Variants in SDK1 observed in about 807,000 individuals in gnomAD.
The protein encoded by SDK1 is sidekick cell adhesion molecule 1.
SDK1 carries 157 observed loss-of-function variants against 245.5 expected under a neutral mutation model. The observed-to-expected ratio is 0.64, with a 90% confidence interval of 0.56 to 0.73. SDK1 has a LOEUF of 0.73. Among genes scored for constraint, SDK1 ranks in the 30% least tolerant of loss-of-function variants. The pLI is 0.00. For missense variants in SDK1, 3,583 were observed against 3,002.3 expected (o/e 1.19, Z -4.52); for synonymous variants, 1,647 against 1,278.5 (o/e 1.29, Z -6.15).
At chr7:3,316,667 G>T (rs1316577589) in intron 1 of SDK1, among the ~76,000 whole-genome samples, 1 of 152,178 alleles carries the variant, frequency 6.6e-6, no homozygotes, top group East Asian at 1.9e-4. Context: ...GTACACAGCA[G>T]GGGCCTCACT....
intron 13 of SDK1, among the ~76,000 whole-genome samples, chr7:3,979,623 GC>G (rs1321126279): frequency 6.6e-6 from 1 of 152,114 alleles, no homozygotes; most frequent in East Asian, 1.9e-4. Flanking sequence ...GAGAGAAGAG[GC>G]TTCTAAACTC....
At chr7:4,056,741 C>T (rs756328402) in intron 19 of SDK1, among the ~76,000 whole-genome samples, 21 of 152,148 alleles carry the variant, frequency 1.4e-4, no homozygotes, top group African/African-American at 4.1e-4. Flanking sequence ...CCCACACGCC[C>T]GAGCCCAGAG....
At chr7:3,605,302 T>C (rs544657813) in intron 1 of SDK1, among the ~76,000 whole-genome samples, 2 of 152,368 alleles carry the variant, frequency 1.3e-5, no homozygotes, top group Admixed American at 1.3e-4. Flanking sequence ...TAATTCTATC[T>C]GTAAGGAGAA....
chr7:3,999,754 A>C (rs17134136), intron 14 of SDK1, among the ~76,000 whole-genome samples: 19,487 of 152,260 alleles, frequency 0.13, 1,637 homozygotes, highest in African/African-American at 0.24. Context: ...ATGTATTTTT[A>C]AGTACAAAGT....
At position 3,548,403 on chromosome 7, in the gene SDK1, C is replaced by T. The variant is rs9632601; in HGVS notation, c.299-70677C>T. ...TCTTAAACCTGGGTCTGTCTTACTC[C>T]AAAACTACTGAGCTACATTTTAAAT... On this transcript the variant is annotated intron_variant, in intron 1 of 44. Transcript: ENST00000404826. Among the ~76,000 whole-genome samples the T allele has an allele frequency of 3.3e-3, 498 of 152,236 alleles. 3 individuals are homozygous for T. Among genetic ancestry groups the T allele is most frequent in the African/African-American group, 0.011 (455 of 41,544 alleles).
In SDK1 at chr7:3,619,160, C is replaced by G. The variant is rs373250128; in HGVS notation, c.379C>G (p.Leu127Val). 3.1e-6 allele frequency: 5 copies of G among 1,613,908 alleles called. No homozygotes were observed. In the African/African-American group the frequency reaches 4.0e-5, roughly 13 times the overall value. The change falls in exon 2 of 45, where the codon CTT becomes GTT. Residue 127 changes from leucine to valine, a missense_variant. By Grantham distance (32) the Leu-to-Val change is conservative. Coordinates refer to ENST00000404826, the MANE Select transcript of SDK1 (RefSeq NM_152744.4). The stretch of plus-strand genomic sequence containing the variant: ...AGGGAACCGCCTTGTTCTCACCTGC[C>G]TTGCCGAAGGGAGCTGGCCTTTGGA... ...LEGNRLVLTC[L>V]AEGSWPLEFK...
rs147676575 is a variant in SDK1 at position 3,645,911 on chromosome 7, T to C, written c.713+3806T>C. On this transcript the variant is annotated intron_variant, in intron 4 of 44. Transcript: ENST00000404826. ...TCTTGTTCTGTTGCCCAGGCTGGAG[T>C]GCAGTGGCCCAATCTAGGCTCACTG... 7.9e-5 allele frequency among the ~76,000 whole-genome samples: 12 copies of C among 152,078 alleles called. 1 individual carries two copies. Among genetic ancestry groups the C allele is most frequent in the South Asian group, 4.2e-4 (2 of 4,804 alleles).
intron 18 of SDK1, among the ~76,000 whole-genome samples, chr7:4,050,706 A>G (rs1789384985): frequency 6.6e-6 from 1 of 152,036 alleles, no homozygotes; most frequent in East Asian, 1.9e-4. Flanking sequence ...TAAATTATAA[A>G]TAATTAAGAT....
intron 1 of SDK1, among the ~76,000 whole-genome samples, chr7:3,558,413 C>T (rs1346967492): frequency 6.6e-6 from 1 of 152,220 alleles, no homozygotes; most frequent in Non-Finnish European, 1.5e-5. Flanking sequence ...TTTGACCAGT[C>T]CTGCAGTCTG....
chr7:3,826,966 C>T (rs1779790785), intron 5 of SDK1, among the ~76,000 whole-genome samples: 1 of 152,258 alleles, frequency 6.6e-6, no homozygotes, highest in South Asian at 2.1e-4. Context: ...TCTCTCCTCA[C>T]CCCACAAGGC....
At chr7:4,192,109 G>C (rs1025149777) in intron 35 of SDK1, among the ~76,000 whole-genome samples, 1 of 152,210 alleles carries the variant, frequency 6.6e-6, no homozygotes, top group African/African-American at 2.4e-5. Flanking sequence ...AGACAGACAA[G>C]TGCAGGCGCA....
intron 4 of SDK1, among the ~76,000 whole-genome samples, chr7:3,761,483 G>C (rs889424032): frequency 3.3e-5 from 5 of 151,042 alleles, no homozygotes; most frequent in Non-Finnish European, 7.4e-5. Flanking sequence ...GAACCCGGGA[G>C]GCGGAGCTTG....
chr7:4,248,277 T>TAC (rs144578855), intron 44 of SDK1, among the ~76,000 whole-genome samples: 7 of 151,096 alleles, frequency 4.6e-5, no homozygotes, highest in Admixed American at 1.3e-4. Context: ...CACACCTAAA[T>TAC]ACACACACAC....
intron 14 of SDK1, among the ~76,000 whole-genome samples, chr7:3,991,908 G>T (rs1784358923): frequency 6.6e-6 from 1 of 152,236 alleles, no homozygotes; most frequent in Non-Finnish European, 1.5e-5. Flanking sequence ...ATGCCCTTAA[G>T]AAGCAGCTGA....
Position 3,459,263 on chromosome 7 carries a change from T to C in SDK1, c.298+157379T>C, listed in dbSNP as rs116692141. On this transcript the variant is annotated intron_variant, in intron 1 of 44. Coordinates refer to ENST00000404826, the MANE Select transcript of SDK1 (RefSeq NM_152744.4). ...GTACTGTATTTGTAGTACCTTTTTA[T>C]ACTCCTCTTTATGTAAGGTATGCTT... Among the ~76,000 whole-genome samples the C allele has an allele frequency of 5.4e-3, 823 of 152,324 alleles. 6 individuals carry two copies. Among genetic ancestry groups the C allele is most frequent in the African/African-American group, 0.019 (784 of 41,578 alleles).
chr7:3,364,183 C>T (rs1172623670), intron 1 of SDK1, among the ~76,000 whole-genome samples: 2 of 152,092 alleles, frequency 1.3e-5, no homozygotes, highest in Non-Finnish European at 2.9e-5. Flanking sequence ...ATTTTAGATA[C>T]TAGGCATTTG....
intron 4 of SDK1, among the ~76,000 whole-genome samples, chr7:3,739,070 C>G (rs553500178): frequency 1.3e-5 from 2 of 152,128 alleles, no homozygotes; most frequent in East Asian, 3.9e-4. Context: ...GCCTGCATAG[C>G]TAATCCTTGG....
intron 4 of SDK1, among the ~76,000 whole-genome samples, chr7:3,818,509 T>A (rs1361859261): frequency 6.6e-6 from 1 of 152,244 alleles, no homozygotes; most frequent in Non-Finnish European, 1.5e-5. Flanking sequence ...TAACCTTTTA[T>A]GTGTACACAC....
chr7:3,400,641 G>A (rs947663162), intron 1 of SDK1, among the ~76,000 whole-genome samples: 4 of 152,156 alleles, frequency 2.6e-5, no homozygotes, highest in Non-Finnish European at 5.9e-5. Context: ...TCAGATGGTG[G>A]CAGACCAAAG....
Sources: allele counts gnomAD v4.1 joint callset (sites outside exome capture counted in the v4.1 genomes callset), GRCh38; gene constraint gnomAD v4.1.1; transcripts MANE v1.5; gene names NCBI Gene and HGNC (gene_info 2026-07-23, HGNC 2026-07-21).